Variants in NEURL1 observed in about 807,000 individuals in gnomAD.
The protein encoded by NEURL1 is neuralized E3 ubiquitin protein ligase 1.
In NEURL1, 26 loss-of-function variants were observed where a neutral mutation model predicts 41.2. The observed-to-expected ratio is 0.63, with a 90% CI of 0.46 to 0.87. The LOEUF (loss-of-function observed/expected upper bound fraction) is 0.87. Among genes scored for constraint, NEURL1 ranks in the 40% least tolerant of loss-of-function variants. The pLI is 0.00. For missense variants in NEURL1, 761 were observed against 871.1 expected (o/e 0.87, Z 1.59); for synonymous variants, 400 against 402.3 (o/e 0.99, Z 0.07).
intron 3 of NEURL1, among the ~76,000 whole-genome samples, chr10:103,579,935 G>A (rs1030992851): frequency 6.6e-6 from 1 of 152,110 alleles, no homozygotes; most frequent in Non-Finnish European, 1.5e-5. Context: ...AACAGAGCGA[G>A]ACCCCGTATC....
At chr10:103,555,681 A>C (rs906913286) in intron 1 of NEURL1, among the ~76,000 whole-genome samples, 1 of 151,174 alleles carries the variant, frequency 6.6e-6, no homozygotes, top group African/African-American at 2.4e-5. Context: ...GAGGCTCCCC[A>C]CAAAGTCTCC....
intron 1 of NEURL1, among the ~76,000 whole-genome samples, chr10:103,516,558 T>C (rs1177250436): frequency 4.6e-5 from 7 of 152,160 alleles, no homozygotes; most frequent in Admixed American, 1.3e-4. Context: ...GGGTGTCACT[T>C]AAACCATGAG....
At position 103,508,758 on chromosome 10, in the gene NEURL1, C is replaced by G. The variant is rs954720988; in HGVS notation, c.85+14286C>G. On this transcript the variant is annotated intron_variant, in intron 1 of 5. Coordinates refer to ENST00000369780, the MANE Select transcript of NEURL1 (RefSeq NM_004210.5). The surrounding 1 kb of genome is among the most constrained non-coding windows in gnomAD (Gnocchi z 4.3). The stretch of plus-strand genomic sequence containing the variant: ...CAGAATGCCACTCACATGAAAGTTT[C>G]GGCCTCAGAGGGCAGCCCGCCAGGA... Among the ~76,000 whole-genome samples, 1 of 152,180 alleles carries G rather than the reference C, an allele frequency of 6.6e-6. No homozygotes were observed. The highest frequency in any genetic ancestry group is 1.5e-5 in the Non-Finnish European group (1 of 68,040).
intron 1 of NEURL1, chr10:103,555,227 C>A (rs1334820120): frequency 4.8e-6 from 4 of 836,826 alleles, no homozygotes; most frequent in East Asian, 1.3e-4. Flanking sequence ...CGCGTGGGGG[C>A]GCGTGGGGGC....
intron 1 of NEURL1, chr10:103,555,126 C>CG (rs2035118573): frequency 6.6e-6 from 1 of 152,648 alleles, no homozygotes; most frequent in African/African-American, 2.6e-5. Flanking sequence ...TGGGTGGGAG[C>CG]GGGGAGGCGG....
intron 1 of NEURL1, among the ~76,000 whole-genome samples, chr10:103,529,884 A>C (rs1351040580): frequency 6.6e-6 from 1 of 152,200 alleles, no homozygotes; most frequent in African/African-American, 2.4e-5. Flanking sequence ...GAAAGCGGTC[A>C]CAATTCAGAC....
chr10:103,571,967 T>G, intron 3 of NEURL1, 145 bp downstream of exon 3: 1 of 774,738 alleles, frequency 1.3e-6, no homozygotes, highest in Non-Finnish European at 2.0e-6. Flanking sequence ...CTGGGAACCT[T>G]GGCATGAACT....
chr10:103,545,032 G>C lies in NEURL1; in HGVS notation c.86-25840G>C, dbSNP rs1447616489. On this transcript the variant is annotated intron_variant, in intron 1 of 5. Coordinates refer to ENST00000369780, the MANE Select transcript of NEURL1 (RefSeq NM_004210.5). The surrounding 1 kb of genome is among the most constrained non-coding windows in gnomAD (Gnocchi z 4.5). ...TGGGGTCTCTGAAGGAAGTAATCCC[G>C]AAGAGGGAGGTGTCGGGGGACAGGA... is the stretch of plus-strand genomic sequence containing the variant. 6.6e-6 allele frequency among the ~76,000 whole-genome samples: 1 copy of C among 152,244 alleles called. No homozygotes were observed. The highest frequency in any genetic ancestry group is 2.4e-5 in the African/African-American group (1 of 41,468).
In NEURL1 at chr10:103,584,618, C is replaced by A. The variant is rs779917210; in HGVS notation, c.732C>A (p.Asp244Glu). ...GGCCGTCGCTGCGGCGCGAGGCGGA[C>A]GACGCGCGCCTCTCGGTGAGCCTAT... ...LRRPSLRREA[D>E]DARLSVSLCD... Residue 244 changes from aspartate (D) to glutamate (E), a missense_variant, in exon 4 of 6, where the codon GAC becomes GAA. Physicochemically the swap from Asp to Glu is conservative, Grantham distance 45 (BLOSUM62 2). Around this residue, in one of 5 missense-constraint regions of NEURL1, gnomAD observed 114 missense variants for 144.8 expected, o/e 0.79. Coordinates refer to ENST00000369780, the MANE Select transcript of NEURL1 (RefSeq NM_004210.5). 1.4e-6 allele frequency: 2 copies of A among 1,415,474 alleles called. No individual in the cohort carries two copies. The highest frequency in any genetic ancestry group is 3.0e-5 in the South Asian group (2 of 67,710). 87.7% of individuals were successfully genotyped at this position (1,415,474 alleles called of 1,614,324 possible).
At chr10:103,501,743 C>G (rs959455855) in intron 1 of NEURL1, among the ~76,000 whole-genome samples, 3 of 151,966 alleles carry the variant, frequency 2.0e-5, no homozygotes, top group South Asian at 2.1e-4. Context: ...AGTGATTCTC[C>G]TGCCCCAGCC....
At chr10:103,562,432 C>G (rs1031826748) in intron 1 of NEURL1, among the ~76,000 whole-genome samples, 33 of 152,128 alleles carry the variant, frequency 2.2e-4, no homozygotes, top group African/African-American at 7.7e-4. Context: ...CCTAGGGAGG[C>G]TCACAGTCCA....
At chr10:103,516,401 G>A (rs2034207984) in intron 1 of NEURL1, among the ~76,000 whole-genome samples, 1 of 151,050 alleles carries the variant, frequency 6.6e-6, no homozygotes. Context: ...GAAGGCGGGG[G>A]TTGGAGGGAA....
chr10:103,544,978 G>C (rs763428645), intron 1 of NEURL1, among the ~76,000 whole-genome samples: 1 of 152,220 alleles, frequency 6.6e-6, no homozygotes, highest in African/African-American at 2.4e-5. Flanking sequence ...GGAAGGCTTT[G>C]CTTTCTCAAT....
At chr10:103,505,795 G>T (rs1297859067) in intron 1 of NEURL1, among the ~76,000 whole-genome samples, 5 of 152,224 alleles carry the variant, frequency 3.3e-5, no homozygotes, top group Non-Finnish European at 7.3e-5. Flanking sequence ...CTGCTGCCGG[G>T]TACAGCAGGG....
rs79631677 is a variant in NEURL1 at position 103,564,289 on chromosome 10, G to A, written c.86-6583G>A. Among the ~76,000 whole-genome samples, 1,439 of 152,328 alleles carry A rather than the reference G, an allele frequency of 9.4e-3. 22 individuals carry two copies. Among genetic ancestry groups the A allele is most frequent in the African/African-American group, 0.033 (1,390 of 41,554 alleles). Reference sequence around the variant, plus strand: ...CCATGTCAGCAGCAGCCTCGCCTGAGGAGGGTGCCCCCACTGGGGCTCCCA... The same window carrying A: ...CCATGTCAGCAGCAGCCTCGCCTGAAGAGGGTGCCCCCACTGGGGCTCCCA... On this transcript the variant is annotated intron_variant, in intron 1 of 5. Coordinates refer to ENST00000369780, the MANE Select transcript of NEURL1 (RefSeq NM_004210.5).
rs111640482 is a variant in NEURL1 at position 103,567,612 on chromosome 10, G to A, written c.86-3260G>A. On this transcript the variant is annotated intron_variant, in intron 1 of 5. Coordinates refer to ENST00000369780, the MANE Select transcript of NEURL1 (RefSeq NM_004210.5). The stretch of plus-strand genomic sequence containing the variant: ...AGGTCTTGCTTTTGTTCCCCAAGCC[G>A]GTCTCCAACTCCTAGGTCTCAAGTG... Among the ~76,000 whole-genome samples, 392 of 151,826 alleles carry A rather than the reference G, an allele frequency of 2.6e-3. 2 individuals are homozygous for A. Among genetic ancestry groups the A allele is most frequent in the Admixed American group, 5.2e-3 (80 of 15,256 alleles).
At chr10:103,494,701 A>G in intron 1 of NEURL1, 1 of 535,624 alleles carries the variant, frequency 1.9e-6, no homozygotes, top group South Asian at 2.3e-5. Flanking sequence ...TGGGAACGTC[A>G]CTGGAGTCCC....
At position 103,585,331 on chromosome 10, in the gene NEURL1, TTGC is replaced by T. The variant is rs1043372259; in HGVS notation, c.1339+108_1339+110del. 19 of 1,061,198 alleles carry T rather than the reference TTGC, an allele frequency of 1.8e-5. No homozygotes were observed. In the African/African-American group the frequency reaches 3.0e-4, roughly 17 times the overall value. The allele number at this position is 1,061,198 out of a possible 1,614,324, so 65.7% of individuals were successfully genotyped here. ...CCCTTCCTCCAGGCTCATGATGGTGTTGCTAAGGAATCACAGACACCTAAGGTG... is the reference window on the plus strand; with the variant it reads ...CCCTTCCTCCAGGCTCATGATGGTGTTAAGGAATCACAGACACCTAAGGTG... On this transcript the variant is annotated intron_variant, in intron 4 of 5. Transcript: ENST00000369780.
intron 1 of NEURL1, among the ~76,000 whole-genome samples, chr10:103,538,251 C>T (rs960142275): frequency 5.3e-5 from 8 of 151,998 alleles, no homozygotes; most frequent in Admixed American, 1.3e-4. Flanking sequence ...TGAGCTACCA[C>T]GCCGGGCTTA....
Sources: allele counts gnomAD v4.1 joint callset (sites outside exome capture counted in the v4.1 genomes callset), GRCh38; gene constraint gnomAD v4.1.1; regional missense constraint gnomAD v4.1.1; non-coding constraint Gnocchi (gnomAD v3.1); transcripts MANE v1.5; gene names NCBI Gene and HGNC (gene_info 2026-07-23, HGNC 2026-07-21).